The following SGCZ variants were observed in gnomAD, a reference collection of about 807,000 sequenced individuals.
SGCZ encodes the protein sarcoglycan zeta.
Under a neutral mutation model 41.3 loss-of-function variants are expected in SGCZ, and 40 were observed. The observed-to-expected ratio is 0.97, with a 90% CI of 0.75 to 1.26. The LOEUF (loss-of-function observed/expected upper bound fraction) is 1.26. Among genes scored for constraint, SGCZ ranks in the 50% most tolerant of loss-of-function variants. SGCZ has a pLI of 0.00. For missense variants in SGCZ, 552 were observed against 369.8 expected (o/e 1.49, Z -4.04); for synonymous variants, 206 against 137.5 (o/e 1.50, Z -3.49).
At chr8:14,593,187 G>T (rs554652899) in intron 1 of SGCZ, among the ~76,000 whole-genome samples, 8 of 152,246 alleles carry the variant, frequency 5.3e-5, no homozygotes, top group African/African-American at 1.9e-4. Context: ...TAGATATCTT[G>T]ATAGAGTTTA....
chr8:14,653,477 A>G (rs922699029), intron 1 of SGCZ, among the ~76,000 whole-genome samples: 6 of 152,124 alleles, frequency 3.9e-5, no homozygotes, highest in African/African-American at 1.4e-4. Flanking sequence ...TTATCAATAC[A>G]CACCAAGTCT....
intron 1 of SGCZ, among the ~76,000 whole-genome samples, chr8:14,922,270 T>C (rs1799610474): frequency 6.6e-6 from 1 of 152,050 alleles, no homozygotes; most frequent in South Asian, 2.1e-4. Context: ...GGGCTAACCA[T>C]GTCTTATAAA....
intron 5 of SGCZ, among the ~76,000 whole-genome samples, chr8:14,109,012 T>C (rs1198068062): frequency 6.6e-6 from 1 of 152,080 alleles, no homozygotes. Context: ...CTATTATTGG[T>C]TTTTTAAAGA....
chr8:14,488,002 C>T (rs1303714957), intron 2 of SGCZ: 1 of 65,256 alleles, frequency 1.5e-5, no homozygotes, highest in African/African-American at 6.0e-5. Flanking sequence ...AATCAGGAAC[C>T]CCACTTTTGA....
At chr8:14,526,898 G>T (rs1585633298) in intron 2 of SGCZ, among the ~76,000 whole-genome samples, 1 of 152,092 alleles carries the variant, frequency 6.6e-6, no homozygotes, top group Non-Finnish European at 1.5e-5. Context: ...ACGGTCGGTG[G>T]CTGCAGGGAC....
At chr8:14,319,103 G>A (rs1801827972) in intron 3 of SGCZ, among the ~76,000 whole-genome samples, 1 of 151,954 alleles carries the variant, frequency 6.6e-6, no homozygotes, top group African/African-American at 2.4e-5. Flanking sequence ...GGGGAACAAA[G>A]ATGACCTAAC....
At chr8:14,365,960 G>A (rs919228758) in intron 2 of SGCZ, among the ~76,000 whole-genome samples, 3 of 151,756 alleles carry the variant, frequency 2.0e-5, no homozygotes, top group Non-Finnish European at 2.9e-5. Context: ...ATCTTTCCAA[G>A]AACCTATTTC....
chr8:15,120,037 G>C (rs576060852), intron 1 of SGCZ, among the ~76,000 whole-genome samples: 1 of 152,090 alleles, frequency 6.6e-6, no homozygotes, highest in Admixed American at 6.5e-5. Context: ...TTTTCCAGGA[G>C]TCTTGCTATG....
chr8:14,361,029 G>A (rs1803492813), intron 2 of SGCZ, among the ~76,000 whole-genome samples: 1 of 152,084 alleles, frequency 6.6e-6, no homozygotes, highest in Non-Finnish European at 1.5e-5. Flanking sequence ...GTATTTCTCT[G>A]ACAGATAATG....
At chr8:14,519,194 A>T (rs868456442) in intron 2 of SGCZ, among the ~76,000 whole-genome samples, 30 of 152,190 alleles carry the variant, frequency 2.0e-4, no homozygotes, top group African/African-American at 6.7e-4. Context: ...TGCAGGTAGG[A>T]ATAGAATGCT....
At chr8:14,932,363 C>T (rs1799944202) in intron 1 of SGCZ, among the ~76,000 whole-genome samples, 1 of 151,954 alleles carries the variant, frequency 6.6e-6, no homozygotes, top group Non-Finnish European at 1.5e-5. Context: ...AGGCCATTTT[C>T]CATTCTAATA....
intron 4 of SGCZ, among the ~76,000 whole-genome samples, chr8:14,234,071 A>G (rs1207687082): frequency 6.6e-6 from 1 of 152,062 alleles, no homozygotes; most frequent in Non-Finnish European, 1.5e-5. Flanking sequence ...GGGAAATTGG[A>G]TATTATTTGG....
chr8:14,147,610 T>C (rs1803566208), intron 5 of SGCZ, among the ~76,000 whole-genome samples: 1 of 152,108 alleles, frequency 6.6e-6, no homozygotes, highest in African/African-American at 2.4e-5. Context: ...CCAAATACGA[T>C]AACTGGAAAC....
chr8:14,239,518 TTTTA>T (rs1300334910), intron 3 of SGCZ, among the ~76,000 whole-genome samples: 2 of 152,280 alleles, frequency 1.3e-5, no homozygotes, highest in Non-Finnish European at 2.9e-5. Context: ...CACTATATGT[TTTTA>T]TTTGAGTTAC....
chr8:14,204,406 C>A (rs1177933873), intron 4 of SGCZ, among the ~76,000 whole-genome samples: 1 of 152,018 alleles, frequency 6.6e-6, no homozygotes, highest in African/African-American at 2.4e-5. Context: ...ATTATTTGAG[C>A]AGCTCAGGTC....
At chr8:14,257,928 A>G (rs1016515506) in intron 3 of SGCZ, among the ~76,000 whole-genome samples, 2 of 152,186 alleles carry the variant, frequency 1.3e-5, no homozygotes, top group Non-Finnish European at 2.9e-5. Flanking sequence ...ATATATAGAC[A>G]TATCTACCTA....
chr8:14,845,969 G>A (rs549168139), intron 1 of SGCZ, among the ~76,000 whole-genome samples: 1 of 152,194 alleles, frequency 6.6e-6, no homozygotes, highest in Admixed American at 6.5e-5. Context: ...GATGATAAAC[G>A]GGTCAGTTCA....
intron 2 of SGCZ, among the ~76,000 whole-genome samples, chr8:14,368,681 T>C (rs1380962932): frequency 6.6e-6 from 1 of 151,578 alleles, no homozygotes; most frequent in Non-Finnish European, 1.5e-5. Context: ...TTGCATTCCT[T>C]ATGATGGTAA....
At chr8:14,928,807 G>A (rs1799840956) in intron 1 of SGCZ, among the ~76,000 whole-genome samples, 2 of 151,980 alleles carry the variant, frequency 1.3e-5, no homozygotes, top group Admixed American at 1.3e-4. Flanking sequence ...TAATTTTTCT[G>A]GCAATCTAAT....
Sources: gnomAD v4.1 joint callset for allele counts (sites outside exome capture counted in the v4.1 genomes callset) on GRCh38, gnomAD v4.1.1 for gene constraint, MANE v1.5 for transcripts, NCBI Gene and HGNC (gene_info 2026-07-23, HGNC 2026-07-21) for gene names.